PPM1H: variants seen among roughly 807,000 people sequenced by gnomAD.
The protein encoded by PPM1H is protein phosphatase 1H.
Under a neutral mutation model 54.9 loss-of-function variants are expected in PPM1H, and 27 were observed. The observed-to-expected ratio is 0.49, with a 90% CI of 0.36 to 0.68. The LOEUF (loss-of-function observed/expected upper bound fraction) is 0.68, where lower values mean the gene tolerates loss of function less well. Among genes scored for constraint, PPM1H ranks in the 30% least tolerant of loss-of-function variants. PPM1H has a pLI of 0.00. For synonymous variants in PPM1H, 305 were observed against 270.8 expected (o/e 1.13, Z -1.24); for missense variants, 596 against 667.8 (o/e 0.89, Z 1.19).
chr12:62,845,876 AAATAC>A (rs1868947785), intron 1 of PPM1H, among the ~76,000 whole-genome samples: 2 of 152,130 alleles, frequency 1.3e-5, no homozygotes, highest in South Asian at 4.1e-4. Context: ...TTCCTGTCTC[AAATAC>A]AATCCTCCTT....
chr12:62,795,503 G>C (rs955899971), intron 3 of PPM1H, among the ~76,000 whole-genome samples: 3 of 152,066 alleles, frequency 2.0e-5, no homozygotes, highest in Non-Finnish European at 2.9e-5. Context: ...TTGGAGTGCA[G>C]TGGTGCGATC....
intron 4 of PPM1H, among the ~76,000 whole-genome samples, chr12:62,754,851 A>T (rs1565778936): frequency 6.6e-6 from 1 of 152,242 alleles, no homozygotes; most frequent in African/African-American, 2.4e-5. Context: ...AAATGTAACA[A>T]AATGGAAGGG....
At chr12:62,919,449 G>A (rs1393948546) in intron 1 of PPM1H, among the ~76,000 whole-genome samples, 1 of 152,002 alleles carries the variant, frequency 6.6e-6, no homozygotes, top group African/African-American at 2.4e-5. Flanking sequence ...TGGGGGAGAA[G>A]CTAATGACTA....
intron 3 of PPM1H, among the ~76,000 whole-genome samples, chr12:62,801,032 T>A (rs1303594686): frequency 6.6e-6 from 1 of 152,242 alleles, no homozygotes; most frequent in Non-Finnish European, 1.5e-5. Flanking sequence ...CCCCTGGCTC[T>A]GTTCTCCTCC....
At chr12:62,754,477 G>C (rs1268041851) in intron 4 of PPM1H, among the ~76,000 whole-genome samples, 1 of 152,212 alleles carries the variant, frequency 6.6e-6, no homozygotes, top group Non-Finnish European at 1.5e-5. Flanking sequence ...TGAGGTGAGA[G>C]AATGGTTTGA....
At chr12:62,817,116 T>TAAAAAAAAAAAAAAAAAGAAAAA in intron 2 of PPM1H, among the ~76,000 whole-genome samples, 1 of 41,792 alleles carries the variant, frequency 2.4e-5, no homozygotes, top group South Asian at 1.0e-3. Flanking sequence ...ACTGCATTAC[T>TAAAAAAAAAAAAAAAAAGAAAAA]AAAAAAAAAA....
chr12:62,866,707 T>A (rs1869788054), intron 1 of PPM1H, among the ~76,000 whole-genome samples: 1 of 152,028 alleles, frequency 6.6e-6, no homozygotes, highest in African/African-American at 2.4e-5. Flanking sequence ...GAGCCAGAAA[T>A]ACCCAGATAA....
At chr12:62,925,126 A>G (rs67994077) in intron 1 of PPM1H, among the ~76,000 whole-genome samples, 14,713 of 152,240 alleles carry the variant, frequency 0.097, 778 homozygotes, top group African/African-American at 0.12. Flanking sequence ...AATTAAAACC[A>G]TGTCTAATAA....
intron 4 of PPM1H, among the ~76,000 whole-genome samples, chr12:62,785,264 C>T (rs2076663998): frequency 6.6e-6 from 1 of 152,168 alleles, no homozygotes; most frequent in South Asian, 2.1e-4. Flanking sequence ...GCAACCTCTG[C>T]CTCCCATGTT....
intron 4 of PPM1H, among the ~76,000 whole-genome samples, chr12:62,752,128 G>A (rs2076445599): frequency 1.3e-5 from 2 of 152,174 alleles, no homozygotes; most frequent in Admixed American, 6.5e-5. Context: ...TAAGTATACT[G>A]GGAAAGTGAG....
chr12:62,885,770 A>C (rs965153268), intron 1 of PPM1H, among the ~76,000 whole-genome samples: 3 of 152,238 alleles, frequency 2.0e-5, no homozygotes, highest in African/African-American at 7.2e-5. Flanking sequence ...CAAACTGAAA[A>C]ATTTTAAAAC....
intron 8 of PPM1H, among the ~76,000 whole-genome samples, chr12:62,676,537 T>TAGCA (rs2075987538): frequency 6.6e-6 from 1 of 152,252 alleles, no homozygotes; most frequent in South Asian, 2.1e-4. Flanking sequence ...CCTGCAGGCT[T>TAGCA]GGAAGTGTCT....
chr12:62,657,556 C>CTTCAGACA (rs1289880775), intron 9 of PPM1H, among the ~76,000 whole-genome samples: 1 of 152,154 alleles, frequency 6.6e-6, no homozygotes, highest in Admixed American at 6.5e-5. Flanking sequence ...TTTATCTAGT[C>CTTCAGACA]TTCAGACACC....
intron 4 of PPM1H, among the ~76,000 whole-genome samples, chr12:62,785,523 T>TA (rs1459640983): frequency 6.6e-6 from 1 of 152,228 alleles, no homozygotes; most frequent in Non-Finnish European, 1.5e-5. Context: ...GAACTTCAGT[T>TA]ACATTAACAT....
At chr12:62,821,461 A>G (rs1377048813) in intron 2 of PPM1H, among the ~76,000 whole-genome samples, 1 of 152,170 alleles carries the variant, frequency 6.6e-6, no homozygotes, top group Non-Finnish European at 1.5e-5. Flanking sequence ...ACCCCAAGAC[A>G]CATTAATTGT....
chr12:62,928,774 G>A (rs1466218214), intron 1 of PPM1H, among the ~76,000 whole-genome samples: 1 of 150,504 alleles, frequency 6.6e-6, no homozygotes, highest in East Asian at 2.1e-4. Flanking sequence ...TGCTAGGTCA[G>A]TTGAGTTTGG....
At chr12:62,748,393 C>T (rs1156277815) in intron 4 of PPM1H, among the ~76,000 whole-genome samples, 1 of 152,176 alleles carries the variant, frequency 6.6e-6, no homozygotes, top group Non-Finnish European at 1.5e-5. Context: ...AATGGCAAAG[C>T]AAAGTGCTTT....
At chr12:62,898,067 C>G (rs1871051042) in intron 1 of PPM1H, among the ~76,000 whole-genome samples, 1 of 152,124 alleles carries the variant, frequency 6.6e-6, no homozygotes, top group South Asian at 2.1e-4. Flanking sequence ...ACTATAGGTC[C>G]TCTCCTTCTG....
At chr12:62,727,980 G>A (rs922847597) in intron 5 of PPM1H, among the ~76,000 whole-genome samples, 5 of 151,806 alleles carry the variant, frequency 3.3e-5, no homozygotes, top group South Asian at 2.1e-4. Context: ...AATTTAAAGT[G>A]TACCAGCCCA....
Sources: allele counts gnomAD v4.1 joint callset (sites outside exome capture counted in the v4.1 genomes callset), GRCh38; gene constraint gnomAD v4.1.1; transcripts MANE v1.5; gene names NCBI Gene and HGNC (gene_info 2026-07-23, HGNC 2026-07-21).